The following AKAP13 variants were observed in gnomAD, a reference collection of about 807,000 sequenced individuals.
The protein encoded by AKAP13 is A-kinase anchoring protein 13.
Under a neutral mutation model 264.5 loss-of-function variants are expected in AKAP13, and 80 were observed. That is an observed-to-expected ratio of 0.30 (90% confidence interval 0.25 to 0.36). AKAP13 has a LOEUF of 0.36. Ranked by LOEUF, AKAP13 falls within the 10% of genes least tolerant of loss-of-function variation. The pLI is 1.00. For missense variants in AKAP13, 3,712 were observed against 3,435.2 expected, an observed-to-expected ratio of 1.08 and a Z score of -2.01; for synonymous variants, 1,380 against 1,250.2, an observed-to-expected ratio of 1.10 and a Z score of -2.19.
intron 1 of AKAP13, among the ~76,000 whole-genome samples, chr15:85,423,027 C>G (rs1046579850): frequency 3.3e-5 from 5 of 152,196 alleles, no homozygotes; most frequent in African/African-American, 1.2e-4. Flanking sequence ...AGCATTGCAT[C>G]TAAAACTGTA....
Position 85,580,526 on chromosome 15 carries a change from A to AAG in AKAP13, c.2458_2459insAG (p.Thr820LysfsTer22). On this transcript the variant is annotated frameshift_variant, in exon 7 of 37. Coordinates refer to ENST00000394518, the MANE Select transcript of AKAP13 (RefSeq NM_007200.5). LOFTEE classifies it high-confidence loss of function. ...GGGAACAGCAACTCCTGAACTACAT[A>AAG]CAGCTACAGATTATAGAGATGGCCC... 1 of 1,614,190 alleles carries AAG rather than the reference A, an allele frequency of 6.2e-7. No individual in the cohort carries two copies. Among genetic ancestry groups the AAG allele is most frequent in the Non-Finnish European group, 8.5e-7 (1 of 1,180,042 alleles).
chr15:85,461,021 T>A (rs2074489818), intron 1 of AKAP13, among the ~76,000 whole-genome samples: 1 of 152,190 alleles, frequency 6.6e-6, no homozygotes, highest in South Asian at 2.1e-4. Flanking sequence ...GAATATACTG[T>A]CATTGCATCT....
At chr15:85,603,803 G>A (rs1040288436) in intron 8 of AKAP13, among the ~76,000 whole-genome samples, 5 of 152,028 alleles carry the variant, frequency 3.3e-5, no homozygotes, top group African/African-American at 1.2e-4. Context: ...TGTTACCTGT[G>A]GTGTCCTCTT....
At chr15:85,577,880 T>C (rs1398108461) in intron 6 of AKAP13, 4 of 951,102 alleles carry the variant, frequency 4.2e-6, no homozygotes, top group Non-Finnish European at 5.0e-6. Flanking sequence ...CAGTAAGTAT[T>C]TAGGGCACAG....
chr15:85,401,979 G>A (rs572489524), intron 1 of AKAP13, among the ~76,000 whole-genome samples: 2 of 152,344 alleles, frequency 1.3e-5, no homozygotes, highest in South Asian at 4.1e-4. Flanking sequence ...AGAAAAACTT[G>A]TTAGTGAACA....
rs2087944488 is a variant in AKAP13 at position 85,730,804 on chromosome 15, C to T, written c.7282+97C>T. The T allele has an allele frequency of 5.4e-6, 6 of 1,111,364 alleles. No individual in the cohort carries two copies. The South Asian group carries it at 9.7e-5, about 18-fold the overall frequency. 68.8% of individuals were successfully genotyped at this position (1,111,364 alleles called of 1,614,324 possible). A position where few individuals can be genotyped will look rare whatever the true frequency, so the allele number is the denominator to read the frequency against. On this transcript the variant is annotated intron_variant, in intron 30 of 36. Coordinates refer to ENST00000394518, the MANE Select transcript of AKAP13 (RefSeq NM_007200.5). ...GTTTTTACTTTTTTACTTTAAAGCA[C>T]AAATGCAGAAAATTACCCAAAACAA...
At chr15:85,555,930 A>T (rs1018496805) in intron 5 of AKAP13, among the ~76,000 whole-genome samples, 11 of 152,170 alleles carry the variant, frequency 7.2e-5, no homozygotes, top group Non-Finnish European at 1.6e-4. Context: ...GGATTTTATA[A>T]AACTTATAAC....
chr15:85,722,861 A>G (rs887030796), intron 25 of AKAP13, among the ~76,000 whole-genome samples: 2 of 152,090 alleles, frequency 1.3e-5, no homozygotes, highest in Non-Finnish European at 2.9e-5. Flanking sequence ...ATGATTGCAT[A>G]TTATTTATAT....
At chr15:85,449,032 G>T (rs1213964815) in intron 1 of AKAP13, among the ~76,000 whole-genome samples, 1 of 152,068 alleles carries the variant, frequency 6.6e-6, no homozygotes, top group Non-Finnish European at 1.5e-5. Flanking sequence ...TCCTATCCAT[G>T]AGCATGGATG....
At chr15:85,386,349 C>A (rs4356428) in intron 1 of AKAP13, among the ~76,000 whole-genome samples, 109,986 of 151,416 alleles carry the variant, frequency 0.73, 40,297 homozygotes, top group Non-Finnish European at 0.78. Context: ...TCCAGGCTGG[C>A]GTGAGTGAGA....
chr15:85,578,978 G>C lies in AKAP13; in HGVS notation c.910G>C (p.Ala304Pro). 1 of 1,614,018 alleles carries C rather than the reference G, an allele frequency of 6.2e-7. No individual in the cohort carries two copies. The highest frequency in any genetic ancestry group is 8.5e-7 in the Non-Finnish European group (1 of 1,180,014). Residue 304 changes from alanine to proline, a missense_variant, in exon 7 of 37, where the codon GCA (alanine) becomes CCA (proline). Physicochemically the swap from Ala to Pro is conservative, Grantham distance 27. This residue lies in a region of AKAP13 where 2,759 missense variants were observed against 2,411.7 expected (regional missense o/e 1.14). Coordinates refer to ENST00000394518, the MANE Select transcript of AKAP13 (RefSeq NM_007200.5). ...MDSLMPLMMT[A>P]QDPSSAPETD... ...CAGTCTTATGCCCTTAATGATGACAGCACAGGATCCTTCCAGTGCCCCAGA... is the reference window on the plus strand; with the variant it reads ...CAGTCTTATGCCCTTAATGATGACACCACAGGATCCTTCCAGTGCCCCAGA...
intron 14 of AKAP13, among the ~76,000 whole-genome samples, chr15:85,674,853 A>C (rs919696344): frequency 5.5e-5 from 8 of 146,122 alleles, no homozygotes; most frequent in African/African-American, 1.7e-4. Flanking sequence ...TATATATATG[A>C]ATATATGTGA....
chr15:85,458,138 C>CAA (rs368519731), intron 1 of AKAP13, among the ~76,000 whole-genome samples: 2,414 of 110,566 alleles, frequency 0.022, 35 homozygotes, highest in African/African-American at 0.031. Flanking sequence ...GACTCCATCT[C>CAA]AAAAAAAAAA....
rs200628219 is a variant in AKAP13 at position 85,629,275 on chromosome 15, G to T, written c.4162-10099G>T. 1.7e-4 allele frequency among the ~76,000 whole-genome samples: 26 copies of T among 152,188 alleles called. No homozygotes were observed. The East Asian group carries it at 2.3e-3, about 14-fold the overall frequency. The stretch of plus-strand genomic sequence containing the variant: ...AAAGAACAAGAAGAGACTCTTGAGG[G>T]GGAAATTTGTGGTGGACTGGAAGTG... On this transcript the variant is annotated intron_variant, in intron 8 of 36. Coordinates refer to ENST00000394518, the MANE Select transcript of AKAP13 (RefSeq NM_007200.5).
chr15:85,393,316 C>T (rs1400591597), intron 1 of AKAP13, among the ~76,000 whole-genome samples: 1 of 152,144 alleles, frequency 6.6e-6, no homozygotes, highest in Non-Finnish European at 1.5e-5. Flanking sequence ...GGAAAAAATA[C>T]GGTAACAAGA....
At chr15:85,516,352 CA>C (rs1349990510) in intron 2 of AKAP13, among the ~76,000 whole-genome samples, 1 of 152,206 alleles carries the variant, frequency 6.6e-6, no homozygotes, top group Non-Finnish European at 1.5e-5. Context: ...CCAAGTTAAA[CA>C]GATGTAAAGT....
At chr15:85,704,415 A>G (rs753213778) in intron 17 of AKAP13, among the ~76,000 whole-genome samples, 4 of 152,226 alleles carry the variant, frequency 2.6e-5, no homozygotes, top group Non-Finnish European at 5.9e-5. Context: ...AACACATAGT[A>G]TATAACCATT....
intron 1 of AKAP13, among the ~76,000 whole-genome samples, chr15:85,459,388 G>A (rs1165586077): frequency 3.5e-5 from 5 of 143,450 alleles, no homozygotes; most frequent in Non-Finnish European, 6.1e-5. Context: ...TAGTAGAGAT[G>A]GGGTTTCATC....
intron 8 of AKAP13, among the ~76,000 whole-genome samples, chr15:85,595,095 T>C (rs2079755262): frequency 6.6e-6 from 1 of 152,144 alleles, no homozygotes; most frequent in South Asian, 2.1e-4. Flanking sequence ...GAGGGTTTTT[T>C]TTGTTTTTGT....
Sources: allele counts gnomAD v4.1 joint callset (sites outside exome capture counted in the v4.1 genomes callset), GRCh38; gene constraint gnomAD v4.1.1; regional missense constraint gnomAD v4.1.1; transcripts MANE v1.5; gene names NCBI Gene and HGNC (gene_info 2026-07-23, HGNC 2026-07-21).